Variants in LYPD6B observed in about 807,000 individuals in gnomAD.
The protein encoded by LYPD6B is ly6/PLAUR domain-containing protein 6B.
LYPD6B carries 17 observed loss-of-function variants against 22.8 expected under a neutral mutation model. That is an observed-to-expected ratio of 0.75 (90% CI 0.51 to 1.12). The LOEUF (loss-of-function observed/expected upper bound fraction) is 1.12. Among genes scored for constraint, LYPD6B ranks in the 50% most tolerant of loss-of-function variants. LYPD6B has a pLI of 0.00. For synonymous variants in LYPD6B, 106 were observed against 91.6 expected (o/e 1.16, Z -0.90); for missense variants, 221 against 258.3 (o/e 0.86, Z 0.99).
chr2:149,100,506 G>A (rs544869073), intron 1 of LYPD6B, among the ~76,000 whole-genome samples: 1 of 150,354 alleles, frequency 6.7e-6, no homozygotes, highest in Non-Finnish European at 1.5e-5. Context: ...AGTAGGGATT[G>A]GCACAGAGGA....
At chr2:149,130,756 T>C (rs953855699) in intron 1 of LYPD6B, 127 bp from the exon 2 acceptor site, 24 of 512,320 alleles carry the variant, frequency 4.7e-5, no homozygotes, top group Non-Finnish European at 2.4e-5. Context: ...TTAGGAAAGG[T>C]TATTGAGCCT....
chr2:149,094,556 T>C (rs1179094589), intron 1 of LYPD6B, among the ~76,000 whole-genome samples: 1 of 152,228 alleles, frequency 6.6e-6, no homozygotes, highest in Non-Finnish European at 1.5e-5. Context: ...GTTAGAGCAG[T>C]AGAGTAATTA....
At chr2:149,184,302 A>G (rs1691952076) in intron 3 of LYPD6B, among the ~76,000 whole-genome samples, 1 of 152,204 alleles carries the variant, frequency 6.6e-6, no homozygotes, top group African/African-American at 2.4e-5. Context: ...CAACATAATT[A>G]CTTACATGTA....
chr2:149,163,342 A>G (rs1008045243), intron 3 of LYPD6B, among the ~76,000 whole-genome samples: 1 of 152,060 alleles, frequency 6.6e-6, no homozygotes, highest in Non-Finnish European at 1.5e-5. Context: ...TCTTACTTTT[A>G]TATAATTCTT....
At chr2:149,175,061 C>CTCTGTGTGTG (rs1454802925) in intron 3 of LYPD6B, among the ~76,000 whole-genome samples, 60 of 113,066 alleles carry the variant, frequency 5.3e-4, no homozygotes, top group Admixed American at 1.5e-3. Flanking sequence ...CTCTCTCTCT[C>CTCTGTGTGTG]TGTGTGTGTG....
chr2:149,112,418 A>G (rs183695581), intron 1 of LYPD6B, among the ~76,000 whole-genome samples: 3 of 152,328 alleles, frequency 2.0e-5, no homozygotes, highest in Admixed American at 1.3e-4. Context: ...AGAATATGGT[A>G]TACATAGTAC....
chr2:149,108,817 A>G (rs151210694), intron 1 of LYPD6B, among the ~76,000 whole-genome samples: 291 of 151,894 alleles, frequency 1.9e-3, no homozygotes, highest in African/African-American at 6.8e-3. Flanking sequence ...AAATAATTCC[A>G]TTTTAGCTTG....
intron 3 of LYPD6B, among the ~76,000 whole-genome samples, chr2:149,172,472 T>C (rs1438029987): frequency 6.6e-6 from 1 of 152,036 alleles, no homozygotes; most frequent in Non-Finnish European, 1.5e-5. Context: ...AAAGCTCTTC[T>C]TGGAGAGGTG....
intron 2 of LYPD6B, among the ~76,000 whole-genome samples, chr2:149,146,420 A>G (rs1179254810): frequency 6.6e-6 from 1 of 152,164 alleles, no homozygotes; most frequent in Non-Finnish European, 1.5e-5. Context: ...GAGCATGGCA[A>G]ATACGAACCT....
At chr2:149,044,938 A>G (rs1466006747) in intron 1 of LYPD6B, among the ~76,000 whole-genome samples, 1 of 152,002 alleles carries the variant, frequency 6.6e-6, no homozygotes, top group Non-Finnish European at 1.5e-5. Flanking sequence ...CCAGACTTAC[A>G]TTCTCTGGAT....
At chr2:149,099,476 C>CGTACCTAGGATCCTTGGTCCCCTG in intron 1 of LYPD6B, among the ~76,000 whole-genome samples, 1 of 152,004 alleles carries the variant, frequency 6.6e-6, no homozygotes. Flanking sequence ...TTGGTCCCCT[C>CGTACCTAGGATCCTTGGTCCCCTG]ATGGTAGGGT....
At chr2:149,169,232 C>G (rs1690654704) in intron 3 of LYPD6B, among the ~76,000 whole-genome samples, 1 of 152,114 alleles carries the variant, frequency 6.6e-6, no homozygotes, top group Admixed American at 6.5e-5. Flanking sequence ...ACACACACAT[C>G]ACACTCATGT....
chr2:149,189,786 G>C (rs558310713), intron 3 of LYPD6B, among the ~76,000 whole-genome samples: 1 of 152,250 alleles, frequency 6.6e-6, no homozygotes, highest in African/African-American at 2.4e-5. Flanking sequence ...TACCAGTGCA[G>C]TTTGCAAAAT....
chr2:149,187,153 G>A (rs894978342), intron 3 of LYPD6B, among the ~76,000 whole-genome samples: 1 of 152,198 alleles, frequency 6.6e-6, no homozygotes, highest in South Asian at 2.1e-4. Context: ...GTGACTTGCT[G>A]TATTGCAGTA....
intron 3 of LYPD6B, among the ~76,000 whole-genome samples, chr2:149,175,074 T>TGTGTGG (rs1553496780): frequency 1.3e-5 from 2 of 148,360 alleles, no homozygotes; most frequent in African/African-American, 5.0e-5. Context: ...TGTGTGTGTG[T>TGTGTGG]GTGTGTGTGT....
chr2:149,125,584 A>G (rs985928784), intron 1 of LYPD6B, among the ~76,000 whole-genome samples: 5 of 152,182 alleles, frequency 3.3e-5, no homozygotes, highest in Non-Finnish European at 5.9e-5. Flanking sequence ...GATTAGGTCT[A>G]TGATACCACT....
intron 1 of LYPD6B, among the ~76,000 whole-genome samples, chr2:149,063,055 T>C (rs1684165578): frequency 6.6e-6 from 1 of 151,956 alleles, no homozygotes; most frequent in African/African-American, 2.4e-5. Flanking sequence ...AGCACAGCCT[T>C]TGCATTTCAG....
intron 3 of LYPD6B, chr2:149,187,276 T>C: frequency 1.2e-6 from 1 of 831,464 alleles, no homozygotes; most frequent in Non-Finnish European, 1.6e-6. Flanking sequence ...TCCAGAAACA[T>C]GTTTGTATAA....
intron 1 of LYPD6B, among the ~76,000 whole-genome samples, chr2:149,129,746 T>G (rs1462702787): frequency 6.6e-6 from 1 of 152,218 alleles, no homozygotes; most frequent in Non-Finnish European, 1.5e-5. Flanking sequence ...GTGGACTTTA[T>G]GCAGACTTCT....
Sources: gnomAD v4.1 joint callset for allele counts (sites outside exome capture counted in the v4.1 genomes callset) on GRCh38, gnomAD v4.1.1 for gene constraint, MANE v1.5 for transcripts, NCBI Gene and HGNC (gene_info 2026-07-23, HGNC 2026-07-21) for gene names.